The following PELI2 variants were observed in gnomAD, a reference collection of about 807,000 sequenced individuals.
PELI2 encodes the protein E3 ubiquitin-protein ligase pellino homolog 2.
A neutral mutation model predicts 42.3 loss-of-function variants in PELI2; 23 were observed. That is an observed-to-expected ratio of 0.54 (90% CI 0.39 to 0.77). The LOEUF (loss-of-function observed/expected upper bound fraction) is 0.77. PELI2 is among the 30% of genes least tolerant of loss of function. The pLI, the probability that PELI2 is intolerant of heterozygous loss-of-function variation, is 0.00. For missense variants in PELI2, 463 were observed against 553.2 expected (o/e 0.84, Z 1.64); for synonymous variants, 245 against 212.2 (o/e 1.15, Z -1.34).
chr14:56,149,396 T>TC (rs1382506743), intron 1 of PELI2, among the ~76,000 whole-genome samples: 1 of 152,198 alleles, frequency 6.6e-6, no homozygotes, highest in Non-Finnish European at 1.5e-5. Flanking sequence ...TCGTTCTCTG[T>TC]CCTTTTTTAT....
chr14:56,226,635 A>T (rs1887364912), intron 2 of PELI2, among the ~76,000 whole-genome samples: 1 of 152,218 alleles, frequency 6.6e-6, no homozygotes, highest in Non-Finnish European at 1.5e-5. Context: ...CCAGACGTAG[A>T]TGCCATGGCA....
intron 2 of PELI2, among the ~76,000 whole-genome samples, chr14:56,257,782 C>G (rs763136467): frequency 1.3e-5 from 2 of 152,052 alleles, no homozygotes; most frequent in Non-Finnish European, 2.9e-5. Context: ...TTCACAGGCC[C>G]AATAACAAGG....
intron 2 of PELI2, among the ~76,000 whole-genome samples, chr14:56,262,056 G>A (rs1192354923): frequency 6.6e-6 from 1 of 152,218 alleles, no homozygotes; most frequent in East Asian, 1.9e-4. Flanking sequence ...ATCCGTAAGA[G>A]GGCAACACAT....
chr14:56,148,790 CT>C (rs1445588114), intron 1 of PELI2, among the ~76,000 whole-genome samples: 1 of 152,152 alleles, frequency 6.6e-6, no homozygotes, highest in Admixed American at 6.6e-5. Flanking sequence ...GTAGCAGGGA[CT>C]TTTCTTACAT....
intron 5 of PELI2, 133 bp downstream of exon 5, chr14:56,290,589 C>A: frequency 1.9e-6 from 1 of 516,634 alleles, no homozygotes; most frequent in Non-Finnish European, 3.2e-6. Context: ...TCAGGAGAAG[C>A]AGAATTCCAC....
At chr14:56,233,549 C>T (rs764402498) in intron 2 of PELI2, among the ~76,000 whole-genome samples, 9 of 152,104 alleles carry the variant, frequency 5.9e-5, no homozygotes, top group South Asian at 2.1e-4. Context: ...ACTGGCTAGC[C>T]ATATGTAGAA....
intron 2 of PELI2, among the ~76,000 whole-genome samples, chr14:56,244,869 T>C (rs144432760): frequency 1.2e-3 from 182 of 152,348 alleles, no homozygotes; most frequent in Middle Eastern, 6.8e-3. Context: ...CTTTTCTCTT[T>C]TCAGACTGAA....
rs187547798 is a variant in PELI2, at chr14:56,283,757, T to C, written c.309+3980T>C. On this transcript the variant is annotated intron_variant, in intron 3 of 5. Coordinates refer to ENST00000267460, the MANE Select transcript of PELI2 (RefSeq NM_021255.3). ...ACCAGCTCAGCCTCTTTAAATAAAGTATGGTAAGCCAAGCAAGAATTCACA... is the reference window on the plus strand; with the variant it reads ...ACCAGCTCAGCCTCTTTAAATAAAGCATGGTAAGCCAAGCAAGAATTCACA... 1.6e-3 allele frequency among the ~76,000 whole-genome samples: 251 copies of C among 152,286 alleles called. 1 individual carries two copies. The highest frequency in any genetic ancestry group is 1.6e-3 in the Non-Finnish European group (112 of 68,022).
chr14:56,203,766 A>C (rs372481242), intron 2 of PELI2, among the ~76,000 whole-genome samples: 2 of 152,162 alleles, frequency 1.3e-5, no homozygotes, highest in Non-Finnish European at 2.9e-5. Flanking sequence ...TACAAGTACA[A>C]GTAATTAGGG....
chr14:56,151,249 C>T (rs979890318), intron 1 of PELI2, among the ~76,000 whole-genome samples: 11 of 152,318 alleles, frequency 7.2e-5, no homozygotes, highest in African/African-American at 2.2e-4. Flanking sequence ...CTCCCTCCCT[C>T]GGCCCCCATT....
chr14:56,255,652 G>T (rs1888502662), intron 2 of PELI2, among the ~76,000 whole-genome samples: 1 of 152,080 alleles, frequency 6.6e-6, no homozygotes, highest in Non-Finnish European at 1.5e-5. Context: ...AAGTGGGGTT[G>T]GGGGAAGGTG....
chr14:56,259,091 C>G (rs1454236950), intron 2 of PELI2, among the ~76,000 whole-genome samples: 1 of 152,000 alleles, frequency 6.6e-6, no homozygotes, highest in African/African-American at 2.4e-5. Context: ...TAGGGAGAAA[C>G]AAAGGGAGAC....
chr14:56,225,678 C>T (rs997198390), intron 2 of PELI2, among the ~76,000 whole-genome samples: 1 of 152,140 alleles, frequency 6.6e-6, no homozygotes, highest in Non-Finnish European at 1.5e-5. Context: ...GTGGTGGTGC[C>T]CACTTTGGTA....
chr14:56,292,698 C>T (rs1763222912), intron 5 of PELI2: 5 of 753,056 alleles, frequency 6.6e-6, no homozygotes, highest in East Asian at 1.3e-4. Flanking sequence ...AAGAAATCAC[C>T]GTTGTTTTTC....
intron 2 of PELI2, among the ~76,000 whole-genome samples, chr14:56,211,087 G>C (rs1025073916): frequency 4.6e-5 from 7 of 152,146 alleles, no homozygotes; most frequent in African/African-American, 1.4e-4. Flanking sequence ...CCCACCGGTG[G>C]TACTTTGTCT....
chr14:56,140,063 A>G (rs1467229449), intron 1 of PELI2, among the ~76,000 whole-genome samples: 1 of 151,732 alleles, frequency 6.6e-6, no homozygotes, highest in Non-Finnish European at 1.5e-5. Context: ...GTCTTAGCAC[A>G]TGTCTGAATG....
In PELI2 at chr14:56,175,316, A is replaced by G. The variant is rs186035293; in HGVS notation, c.78-3019A>G. The stretch of plus-strand genomic sequence containing the variant: ...TGGCCAAGATTTCGACAGTTCAAGC[A>G]GTGCTTCCACCATGAAGCCTTCTCT... On this transcript the variant is annotated intron_variant, in intron 1 of 5. Transcript: ENST00000267460. 6.6e-4 allele frequency among the ~76,000 whole-genome samples: 101 copies of G among 152,312 alleles called. 1 individual carries two copies. The highest frequency in any genetic ancestry group is 6.5e-3 in the Admixed American group (99 of 15,298).
chr14:56,129,040 T>C (rs1030479950), intron 1 of PELI2, among the ~76,000 whole-genome samples: 2 of 151,998 alleles, frequency 1.3e-5, no homozygotes, highest in African/African-American at 2.4e-5. Context: ...ATCCAGTGCC[T>C]TTGGAATTGA....
At chr14:56,118,784 C>A in intron 1 of PELI2, 47 bp downstream of exon 1, 1 of 1,302,882 alleles carries the variant, frequency 7.7e-7, no homozygotes, top group Admixed American at 2.6e-5. Flanking sequence ...GGGCGGGGAG[C>A]GCCCGCATCC....
Sources: gnomAD v4.1 joint callset for allele counts (sites outside exome capture counted in the v4.1 genomes callset) on GRCh38, gnomAD v4.1.1 for gene constraint, MANE v1.5 for transcripts, NCBI Gene and HGNC (gene_info 2026-07-23, HGNC 2026-07-21) for gene names.